LRRC49: variants seen among roughly 807,000 people sequenced by gnomAD.
The protein encoded by LRRC49 is leucine rich repeat containing 49, also known as leucine-rich repeat-containing protein 49.
LRRC49 carries 50 observed loss-of-function variants against 83.3 expected under a neutral mutation model. The observed-to-expected ratio is 0.60, with a 90% CI of 0.48 to 0.76. LRRC49 has a LOEUF of 0.76. Among genes scored for constraint, LRRC49 ranks in the 30% least tolerant of loss-of-function variants. The pLI is 0.00. For synonymous variants in LRRC49, 286 were observed against 283.3 expected (o/e 1.01, Z -0.10); for missense variants, 704 against 809.1 (o/e 0.87, Z 1.58).
chr15:70,860,387 C>T (rs1422779379), intron 1 of LRRC49, among the ~76,000 whole-genome samples: 7 of 152,200 alleles, frequency 4.6e-5, no homozygotes, highest in Admixed American at 4.6e-4. Flanking sequence ...GCTAGCCCTA[C>T]CAACTGTCAA....
intron 11 of LRRC49, among the ~76,000 whole-genome samples, chr15:70,986,440 G>A (rs1434007395): frequency 6.6e-6 from 1 of 151,860 alleles, no homozygotes; most frequent in Non-Finnish European, 1.5e-5. Flanking sequence ...CTGTTTGTCT[G>A]TTATTGGTGT....
intron 15 of LRRC49, among the ~76,000 whole-genome samples, chr15:71,041,728 C>CT (rs1236091320): frequency 6.6e-6 from 1 of 152,088 alleles, no homozygotes; most frequent in Non-Finnish European, 1.5e-5. Context: ...ATACCAAAAA[C>CT]TTTTTTGTTG....
intron 11 of LRRC49, among the ~76,000 whole-genome samples, chr15:70,993,164 G>A (rs951873534): frequency 2.6e-5 from 4 of 152,190 alleles, no homozygotes; most frequent in Admixed American, 6.5e-5. Context: ...CTCTGTGGAC[G>A]TAGGAACCCT....
At chr15:70,986,513 A>T (rs1455897143) in intron 11 of LRRC49, among the ~76,000 whole-genome samples, 52 of 152,206 alleles carry the variant, frequency 3.4e-4, no homozygotes, top group Non-Finnish European at 5.9e-5. Flanking sequence ...GAAGTTGCTT[A>T]TCAGCTTAAG....
chr15:70,978,958 A>G (rs1301454827), intron 9 of LRRC49, among the ~76,000 whole-genome samples: 1 of 152,068 alleles, frequency 6.6e-6, no homozygotes, highest in South Asian at 2.1e-4. Flanking sequence ...TTGTTTCTAA[A>G]AGAGTTATTC....
intron 2 of LRRC49, among the ~76,000 whole-genome samples, chr15:70,873,581 C>T (rs1673921060): frequency 1.3e-5 from 2 of 152,136 alleles, no homozygotes; most frequent in Admixed American, 6.5e-5. Flanking sequence ...GGTCAGCTGG[C>T]ATGTTGGAGG....
At chr15:70,899,268 C>T (rs1342959280) in intron 3 of LRRC49, among the ~76,000 whole-genome samples, 1 of 152,148 alleles carries the variant, frequency 6.6e-6, no homozygotes, top group African/African-American at 2.4e-5. Context: ...CTAATGCTAA[C>T]AAGAGAAACT....
intron 1 of LRRC49, among the ~76,000 whole-genome samples, chr15:70,866,300 C>T (rs1346095092): frequency 6.6e-6 from 1 of 152,188 alleles, no homozygotes; most frequent in East Asian, 1.9e-4. Flanking sequence ...GCGTGTGCCA[C>T]CATGCCTGGC....
chr15:70,901,816 A>C (rs1278454386), intron 4 of LRRC49, among the ~76,000 whole-genome samples: 4 of 152,178 alleles, frequency 2.6e-5, no homozygotes, highest in Admixed American at 6.5e-5. Context: ...ACTCTTGATA[A>C]AATTTTTTTT....
intron 1 of LRRC49, chr15:70,859,150 C>T (rs1008055219): frequency 7.2e-7 from 1 of 1,386,442 alleles, no homozygotes; most frequent in Non-Finnish European, 1.0e-6. Flanking sequence ...ATATCAACAA[C>T]CTTAGGTGGC....
chr15:70,953,198 C>T (rs980622239), intron 8 of LRRC49, among the ~76,000 whole-genome samples: 1 of 152,122 alleles, frequency 6.6e-6, no homozygotes, highest in African/African-American at 2.4e-5. Context: ...ATTATGTAGA[C>T]TTGATCATAT....
intron 14 of LRRC49, among the ~76,000 whole-genome samples, chr15:71,026,221 T>A (rs1427364786): frequency 8.5e-5 from 13 of 152,206 alleles, no homozygotes. Flanking sequence ...TCCAGCTTCA[T>A]CCATGTCCCT....
chr15:70,964,089 C>A, intron 9 of LRRC49, 157 bp downstream of exon 9: 2 of 578,416 alleles, frequency 3.5e-6, no homozygotes, highest in Non-Finnish European at 5.3e-6. Context: ...GTTTTTACTG[C>A]CTGATCCCAT....
chr15:70,866,659 C>T (rs2032920672), intron 1 of LRRC49, among the ~76,000 whole-genome samples: 3 of 152,014 alleles, frequency 2.0e-5, no homozygotes, highest in African/African-American at 2.4e-5. Context: ...CATGCAGTGA[C>T]GGGATATAGA....
In LRRC49 at chr15:70,901,680, A is replaced by G. The variant is rs532895577; in HGVS notation, c.296+656A>G. On this transcript the variant is annotated intron_variant, in intron 4 of 15. Coordinates refer to ENST00000260382, the MANE Select transcript of LRRC49 (RefSeq NM_017691.5). ...TCTTCTTAGCATTTATTACCCTATA[A>G]CATAATAACTATTTACTTATTATGT... 7.9e-5 allele frequency among the ~76,000 whole-genome samples: 12 copies of G among 152,212 alleles called. No individual in the cohort carries two copies. In the South Asian group the frequency reaches 2.5e-3, roughly 32 times the overall value.
rs758741935 is a variant in LRRC49, at chr15:70,919,085, G to T, written c.603G>T (p.Glu201Asp). The T allele has an allele frequency of 4.3e-6, 7 of 1,611,944 alleles. No individual in the cohort carries two copies. Among genetic ancestry groups the T allele is most frequent in the Non-Finnish European group, 5.9e-6 (7 of 1,178,630 alleles). The change falls in exon 7 of 16, where the codon GAG becomes GAT. Residue 201 changes from glutamate (E) to aspartate (D), a missense_variant. Physicochemically the swap from Glu to Asp is conservative, Grantham distance 45 (BLOSUM62 2). Coordinates refer to ENST00000260382, the MANE Select transcript of LRRC49 (RefSeq NM_017691.5). ...TKIENINHLC[E>D]LRVLNLARNF... ...TTGAAAATATTAATCATTTGTGTGA[G>T]TTGAGAGTTTTAAATCTTGCCAGGA...
chr15:70,935,387 A>G (rs1481484308), intron 7 of LRRC49, among the ~76,000 whole-genome samples: 1 of 152,188 alleles, frequency 6.6e-6, no homozygotes, highest in Non-Finnish European at 1.5e-5. Context: ...GCTCCCTGAA[A>G]AACCATTAAA....
At chr15:71,036,865 C>A (rs548663212) in intron 14 of LRRC49, among the ~76,000 whole-genome samples, 8 of 152,032 alleles carry the variant, frequency 5.3e-5, no homozygotes, top group Non-Finnish European at 8.8e-5. Flanking sequence ...CCTACTATAT[C>A]TTTTTGGGTT....
At chr15:70,938,015 G>A (rs182829471) in intron 8 of LRRC49, among the ~76,000 whole-genome samples, 16 of 152,012 alleles carry the variant, frequency 1.1e-4, no homozygotes, top group Admixed American at 4.6e-4. Context: ...ATAGTGTCTC[G>A]TTTTTACAAT....
Sources: gnomAD v4.1 joint callset for allele counts (sites outside exome capture counted in the v4.1 genomes callset) on GRCh38, gnomAD v4.1.1 for gene constraint, MANE v1.5 for transcripts, NCBI Gene and HGNC (gene_info 2026-07-23, HGNC 2026-07-21) for gene names.